Variants in PRKCE observed in about 807,000 individuals in gnomAD.
PRKCE encodes protein kinase C epsilon.
Under a neutral mutation model 85.4 loss-of-function variants are expected in PRKCE, and 16 were observed. That is an observed-to-expected ratio of 0.19 (90% CI 0.13 to 0.28). The LOEUF is 0.28. PRKCE is among the 10% of genes least tolerant of loss of function. PRKCE has a pLI of 1.00. For missense variants in PRKCE, 573 were observed against 975.2 expected, an observed-to-expected ratio of 0.59 and a Z score of 5.49; for synonymous variants, 388 against 371.5, an observed-to-expected ratio of 1.04 and a Z score of -0.51.
intron 1 of PRKCE, among the ~76,000 whole-genome samples, chr2:45,736,191 C>T (rs953494720): frequency 6.6e-6 from 1 of 152,164 alleles, no homozygotes; most frequent in Non-Finnish European, 1.5e-5. Flanking sequence ...GAACTCCTGG[C>T]TTCAAGTGAT....
intron 11 of PRKCE, among the ~76,000 whole-genome samples, chr2:46,105,024 T>C (rs548639711): frequency 1.5e-4 from 23 of 148,872 alleles, no homozygotes; most frequent in African/African-American, 4.8e-4. Flanking sequence ...TTCCTTTTTT[T>C]TTTTTCCCCA....
At chr2:46,118,287 T>C (rs1300610768) in intron 11 of PRKCE, among the ~76,000 whole-genome samples, 2 of 151,672 alleles carry the variant, frequency 1.3e-5, no homozygotes, top group African/African-American at 4.8e-5. Context: ...CTCAGAAGAG[T>C]TGGCACTTGG....
At chr2:45,689,316 G>A (rs1384326539) in intron 1 of PRKCE, among the ~76,000 whole-genome samples, 1 of 152,160 alleles carries the variant, frequency 6.6e-6, no homozygotes, top group Non-Finnish European at 1.5e-5. Context: ...TAACCAGAAC[G>A]TGATCATGAA....
At chr2:45,741,701 G>A (rs1160564128) in intron 1 of PRKCE, among the ~76,000 whole-genome samples, 1 of 152,020 alleles carries the variant, frequency 6.6e-6, no homozygotes, top group Non-Finnish European at 1.5e-5. Context: ...GCGGGCTGTG[G>A]TCTTGGAAGG....
Position 46,159,626 on chromosome 2 carries a change from C to G in PRKCE, c.1941C>G (p.His647Gln), listed in dbSNP as rs747691198. The change falls in exon 14 of 15, where the codon CAC becomes CAG. Residue 647 changes from histidine to glutamine, a missense_variant. Transcript: ENST00000306156. The surrounding 1 kb of genome is among the most constrained non-coding windows in gnomAD (Gnocchi z 4.1). ...ILKAFMTKNPHKRLGCVASQN... is the reference protein window; with the variant it reads ...ILKAFMTKNPQKRLGCVASQN... ...TGCAGTTCATGACGAAGAATCCCCA[C>G]AAGCGCCTGGGCTGTGTGGCATCGC... The G allele has an allele frequency of 2.4e-5, 39 of 1,595,638 alleles. No individual in the cohort carries two copies. Among genetic ancestry groups the G allele is most frequent in the Non-Finnish European group, 3.3e-5 (39 of 1,178,202 alleles).
intron 10 of PRKCE, among the ~76,000 whole-genome samples, chr2:46,085,749 GTTTTTGTTTTTT>G (rs1435126732): frequency 0.15 from 2,822 of 18,660 alleles, 423 homozygotes; most frequent in African/African-American, 0.31. Context: ...TTTTTTTTTT[GTTTTTGTTTTTT>G]TTTTTTTTTT....
intron 10 of PRKCE, among the ~76,000 whole-genome samples, chr2:46,021,824 A>G (rs1242470415): frequency 6.6e-6 from 1 of 152,068 alleles, no homozygotes; most frequent in Non-Finnish European, 1.5e-5. Flanking sequence ...GGATTTCAGA[A>G]TTTACCTTTT....
intron 1 of PRKCE, among the ~76,000 whole-genome samples, chr2:45,837,450 T>G (rs1275340432): frequency 5.9e-5 from 9 of 151,988 alleles, no homozygotes; most frequent in Non-Finnish European, 1.0e-4. Flanking sequence ...AGAGACGGAG[T>G]TTCACCATAC....
chr2:45,735,632 AAGG>A (rs1371926256), intron 1 of PRKCE, among the ~76,000 whole-genome samples: 1 of 152,228 alleles, frequency 6.6e-6, no homozygotes, highest in East Asian at 1.9e-4. Flanking sequence ...GTGGAAGGGA[AAGG>A]AGCTCAGGGA....
chr2:45,703,023 C>CG (rs1553382495), intron 1 of PRKCE, among the ~76,000 whole-genome samples: 1,701 of 150,678 alleles, frequency 0.011, 38 homozygotes, highest in African/African-American at 0.039. Flanking sequence ...GCCTTTTTTC[C>CG]CCCCCCGTCA....
At chr2:45,681,028 C>T (rs769279253) in intron 1 of PRKCE, among the ~76,000 whole-genome samples, 1 of 152,050 alleles carries the variant, frequency 6.6e-6, no homozygotes, top group Non-Finnish European at 1.5e-5. Context: ...CGGTGGCGCA[C>T]GCCTGTAATC....
chr2:45,981,033 A>AAGCCTGG (rs1476758334), intron 5 of PRKCE, among the ~76,000 whole-genome samples: 1 of 152,214 alleles, frequency 6.6e-6, no homozygotes, highest in Non-Finnish European at 1.5e-5. Flanking sequence ...GTTTGTTCTA[A>AAGCCTGG]AGCCTGAGCC....
At chr2:45,659,201 C>G (rs55983195) in intron 1 of PRKCE, among the ~76,000 whole-genome samples, 19,463 of 151,960 alleles carry the variant, frequency 0.13, 1,376 homozygotes, top group East Asian at 0.23. Flanking sequence ...ACCTATTTTC[C>G]CCTCTCCTCA....
chr2:45,719,069 A>G (rs923417993), intron 1 of PRKCE, among the ~76,000 whole-genome samples: 4 of 152,230 alleles, frequency 2.6e-5, no homozygotes, highest in Non-Finnish European at 5.9e-5. Flanking sequence ...TTCACAATGT[A>G]AAGTGTGGAA....
rs1705562345 is a variant in PRKCE at position 46,010,377 on chromosome 2, G to A, written c.1297G>A (p.Val433Ile). 9 of 1,599,358 alleles carry A rather than the reference G, an allele frequency of 5.6e-6. No individual in the cohort carries two copies. The East Asian group carries it at 1.8e-4, about 32-fold the overall frequency. ...GGCAGAACTCAAGGGCAAAGATGAAGTATATGCTGTGAAGGTCTTAAAGAA... is the reference window on the plus strand; with the variant it reads ...GGCAGAACTCAAGGGCAAAGATGAAATATATGCTGTGAAGGTCTTAAAGAA... ...MLAELKGKDE[V>I]YAVKVLKKDV... The change falls in exon 10 of 15, where the codon GTA becomes ATA. Residue 433 changes from valine to isoleucine, a missense_variant. Transcript: ENST00000306156.
At chr2:45,743,065 A>G in intron 1 of PRKCE, among the ~76,000 whole-genome samples, 1 of 152,248 alleles carries the variant, frequency 6.6e-6, no homozygotes, top group East Asian at 1.9e-4. Context: ...TGGAATCAAA[A>G]CAAGTCAGAC....
chr2:45,734,367 A>G (rs895120758), intron 1 of PRKCE, among the ~76,000 whole-genome samples: 2 of 146,154 alleles, frequency 1.4e-5, no homozygotes, highest in African/African-American at 5.3e-5. Flanking sequence ...CCATCTCAGA[A>G]AAAAAAAAAA....
At chr2:46,103,768 G>A (rs958600401) in intron 11 of PRKCE, among the ~76,000 whole-genome samples, 3 of 152,094 alleles carry the variant, frequency 2.0e-5, no homozygotes, top group Non-Finnish European at 4.4e-5. Flanking sequence ...AAATCATAAG[G>A]AAGAGAAATA....
chr2:45,872,844 G>A (rs769338490), intron 2 of PRKCE, among the ~76,000 whole-genome samples: 5 of 152,158 alleles, frequency 3.3e-5, no homozygotes, highest in Non-Finnish European at 7.4e-5. Context: ...TGTTGGGGTG[G>A]GCATGGAGGG....
Sources: allele counts gnomAD v4.1 joint callset (sites outside exome capture counted in the v4.1 genomes callset), GRCh38; gene constraint gnomAD v4.1.1; non-coding constraint Gnocchi (gnomAD v3.1); transcripts MANE v1.5; gene names NCBI Gene and HGNC (gene_info 2026-07-23, HGNC 2026-07-21).